Variants in CDH8 observed in about 807,000 individuals in gnomAD.
The protein encoded by CDH8 is cadherin 8, also known as cadherin-8.
CDH8 carries 17 observed loss-of-function variants against 68.1 expected under a neutral mutation model. That is an observed-to-expected ratio of 0.25 (90% CI 0.17 to 0.37). The LOEUF is 0.37. Among genes scored for constraint, CDH8 ranks in the 10% least tolerant of loss-of-function variants. The pLI is 1.00. For synonymous variants in CDH8, 372 were observed against 365.1 expected, an observed-to-expected ratio of 1.02 and a Z score of -0.21; for missense variants, 763 against 999.3, an observed-to-expected ratio of 0.76 and a Z score of 3.19.
At chr16:62,028,960 A>T (rs776694457) in intron 1 of CDH8, among the ~76,000 whole-genome samples, 1 of 152,160 alleles carries the variant, frequency 6.6e-6, no homozygotes, top group Non-Finnish European at 1.5e-5. Context: ...ATCAGAATCA[A>T]CCTTCTTCTT....
chr16:61,762,770 T>C (rs1383373091), intron 8 of CDH8, among the ~76,000 whole-genome samples: 1 of 152,144 alleles, frequency 6.6e-6, no homozygotes, highest in Non-Finnish European at 1.5e-5. Flanking sequence ...GTGTATTATA[T>C]ATGAATAGAG....
At chr16:61,662,228 T>G (rs1333145048) in intron 10 of CDH8, among the ~76,000 whole-genome samples, 5 of 151,750 alleles carry the variant, frequency 3.3e-5, no homozygotes, top group Admixed American at 1.3e-4. Flanking sequence ...TCATACGTTA[T>G]TCAACAATCT....
intron 10 of CDH8, among the ~76,000 whole-genome samples, chr16:61,666,699 G>A (rs1361603964): frequency 6.6e-6 from 1 of 151,874 alleles, no homozygotes; most frequent in Non-Finnish European, 1.5e-5. Flanking sequence ...TCTTGGTTAA[G>A]TCAAATGAAA....
intron 2 of CDH8, among the ~76,000 whole-genome samples, chr16:61,924,087 C>T (rs1375301324): frequency 2.0e-5 from 3 of 151,574 alleles, no homozygotes; most frequent in Non-Finnish European, 4.4e-5. Flanking sequence ...CTATGAGGAC[C>T]GCTGACTTCG....
At chr16:61,676,916 T>C (rs1022230664) in intron 10 of CDH8, among the ~76,000 whole-genome samples, 6 of 151,982 alleles carry the variant, frequency 3.9e-5, no homozygotes, top group African/African-American at 1.4e-4. Flanking sequence ...GTGACGAAAA[T>C]ATTCTACACC....
intron 10 of CDH8, among the ~76,000 whole-genome samples, chr16:61,698,622 G>A (rs997687057): frequency 5.3e-5 from 8 of 152,176 alleles, no homozygotes; most frequent in East Asian, 3.9e-4. Context: ...GAGTGTCCTC[G>A]CTTCTGTAAG....
intron 10 of CDH8, among the ~76,000 whole-genome samples, chr16:61,663,083 T>C (rs8050752): frequency 0.034 from 5,100 of 152,082 alleles, 296 homozygotes; most frequent in African/African-American, 0.12. Flanking sequence ...ATGCATCCAA[T>C]GACAATATTC....
intron 5 of CDH8, among the ~76,000 whole-genome samples, chr16:61,824,521 G>A (rs1962286755): frequency 6.6e-6 from 1 of 151,870 alleles, no homozygotes. Flanking sequence ...AAATTTCCAA[G>A]GCAGAGTATG....
At chr16:61,996,927 G>A (rs985446107) in intron 2 of CDH8, among the ~76,000 whole-genome samples, 6 of 151,874 alleles carry the variant, frequency 4.0e-5, no homozygotes, top group Non-Finnish European at 7.4e-5. Context: ...GAGTAGTTTA[G>A]CATTTTGTTT....
chr16:61,664,580 G>T (rs1963629637), intron 10 of CDH8, among the ~76,000 whole-genome samples: 1 of 151,894 alleles, frequency 6.6e-6, no homozygotes, highest in Non-Finnish European at 1.5e-5. Flanking sequence ...TATATATCCT[G>T]GGTTTGTGTA....
chr16:61,945,477 C>T (rs1056589175), intron 2 of CDH8, among the ~76,000 whole-genome samples: 19 of 151,574 alleles, frequency 1.3e-4, no homozygotes, highest in Non-Finnish European at 2.2e-4. Context: ...TTATCCACTC[C>T]GATATGTCAT....
chr16:61,675,871 TTAGAC>T (rs1963897680), intron 10 of CDH8, among the ~76,000 whole-genome samples: 1 of 150,980 alleles, frequency 6.6e-6, no homozygotes, highest in Admixed American at 6.6e-5. Context: ...ATTATAAACT[TTAGAC>T]TAATGACAAT....
At chr16:61,980,125 G>A (rs551970811) in intron 2 of CDH8, among the ~76,000 whole-genome samples, 1 of 152,266 alleles carries the variant, frequency 6.6e-6, no homozygotes, top group South Asian at 2.1e-4. Context: ...GGAAGACAGG[G>A]GCAGAAATAT....
intron 8 of CDH8, among the ~76,000 whole-genome samples, chr16:61,767,365 C>T (rs16963935): frequency 0.043 from 6,598 of 151,920 alleles, 402 homozygotes; most frequent in East Asian, 0.24. Context: ...TTACTTGGCA[C>T]CATCTTAGCT....
intron 10 of CDH8, among the ~76,000 whole-genome samples, chr16:61,665,638 T>C (rs1963653017): frequency 6.6e-6 from 1 of 151,874 alleles, no homozygotes; most frequent in African/African-American, 2.4e-5. Context: ...ACCTGAACGT[T>C]CTTCACATGT....
At chr16:61,809,179 T>A in intron 7 of CDH8, among the ~76,000 whole-genome samples, 1 of 139,992 alleles carries the variant, frequency 7.1e-6, no homozygotes, top group African/African-American at 2.7e-5. Flanking sequence ...AGAGCAAAAC[T>A]CCATCTCAAA....
At chr16:61,666,164 A>T (rs1192623946) in intron 10 of CDH8, among the ~76,000 whole-genome samples, 1 of 148,294 alleles carries the variant, frequency 6.7e-6, no homozygotes, top group Non-Finnish European at 1.5e-5. Flanking sequence ...GGTTGAAAAA[A>T]CACAGCACAT....
chr16:61,837,521 A>C (rs889265838), intron 4 of CDH8, among the ~76,000 whole-genome samples: 1 of 151,944 alleles, frequency 6.6e-6, no homozygotes, highest in African/African-American at 2.4e-5. Flanking sequence ...CATATCAAAC[A>C]CTGTTTCAGA....
At chr16:61,843,797 G>A (rs1238685441) in intron 4 of CDH8, among the ~76,000 whole-genome samples, 1 of 152,136 alleles carries the variant, frequency 6.6e-6, no homozygotes, top group African/African-American at 2.4e-5. Context: ...AGATCCCTGA[G>A]GAATCGCCAC....
Sources: gnomAD v4.1 joint callset for allele counts (sites outside exome capture counted in the v4.1 genomes callset) on GRCh38, gnomAD v4.1.1 for gene constraint, MANE v1.5 for transcripts, NCBI Gene and HGNC (gene_info 2026-07-23, HGNC 2026-07-21) for gene names.